The following LASP1 variants were observed in gnomAD, a reference collection of about 807,000 sequenced individuals.
The protein encoded by LASP1 is LIM and SH3 domain protein 1.
Under a neutral mutation model 38.6 loss-of-function variants are expected in LASP1, and 10 were observed. The ratio of observed to expected loss-of-function variants is 0.26; its 90% CI spans 0.16 to 0.44. The LOEUF is 0.44. LASP1 is among the 20% of genes least tolerant of loss of function. LASP1 has a pLI of 1.00. For missense variants in LASP1, 243 were observed against 375.7 expected (o/e 0.65, Z 2.92); for synonymous variants, 132 against 140.8 (o/e 0.94, Z 0.44).
chr17:38,874,995 C>G (rs1175707649), intron 1 of LASP1, among the ~76,000 whole-genome samples: 1 of 151,848 alleles, frequency 6.6e-6, no homozygotes, highest in East Asian at 1.9e-4. Context: ...CCTTTGTCTC[C>G]CCAACGTCAA....
rs1915023895 is a variant in LASP1, at chr17:38,913,751, C to G, written c.358-574C>G. Among the ~76,000 whole-genome samples, 3 of 152,172 alleles carry G rather than the reference C, an allele frequency of 2.0e-5. No individual in the cohort carries two copies. In the South Asian group the frequency reaches 6.2e-4, roughly 32 times the overall value. ...TCACGGTGGCTCACGCCTGTAATCC[C>G]AGCACTTTGGGAGGCCGAGGCGGGT... On this transcript the variant is annotated intron_variant, in intron 4 of 6. Transcript: ENST00000318008.
chr17:38,911,875 C>T (rs654660), intron 4 of LASP1, among the ~76,000 whole-genome samples: 49,843 of 151,970 alleles, frequency 0.33, 8,364 homozygotes, highest in Middle Eastern at 0.51. Flanking sequence ...CTCACCGCAA[C>T]CTCTGCCTCC....
intron 4 of LASP1, chr17:38,898,950 A>G (rs550206569): frequency 2.5e-5 from 9 of 355,200 alleles, no homozygotes; most frequent in African/African-American, 1.9e-4. Context: ...CTCCTCCCCC[A>G]CATCAGCCTG....
At chr17:38,878,709 C>A (rs1913854381) in intron 2 of LASP1, among the ~76,000 whole-genome samples, 1 of 152,182 alleles carries the variant, frequency 6.6e-6, no homozygotes, top group African/African-American at 2.4e-5. Context: ...AGAAAACTCT[C>A]TGGAAGCCTC....
chr17:38,907,017 G>T (rs1002432537), intron 4 of LASP1, among the ~76,000 whole-genome samples: 7 of 152,206 alleles, frequency 4.6e-5, no homozygotes, highest in Non-Finnish European at 7.4e-5. Context: ...GCTTGGAGCA[G>T]GGATGAGCCA....
At chr17:38,881,823 G>A (rs528867276) in intron 2 of LASP1, among the ~76,000 whole-genome samples, 69 of 152,344 alleles carry the variant, frequency 4.5e-4, no homozygotes, top group Non-Finnish European at 8.7e-4. Context: ...AGGGGAGCTA[G>A]GATCTTGCAG....
At chr17:38,912,845 G>A (rs931364984) in intron 4 of LASP1, among the ~76,000 whole-genome samples, 3 of 152,178 alleles carry the variant, frequency 2.0e-5, no homozygotes, top group Non-Finnish European at 2.9e-5. Context: ...AGCTGGCGCC[G>A]AGGCTCTGGA....
At chr17:38,915,484 G>A (rs1455628146) in intron 6 of LASP1, 2 of 193,836 alleles carry the variant, frequency 1.0e-5, no homozygotes, top group East Asian at 2.6e-4. Context: ...CATGAGGATG[G>A]CCCCCACATC....
At chr17:38,874,267 G>C (rs184139912) in intron 1 of LASP1, among the ~76,000 whole-genome samples, 1 of 152,188 alleles carries the variant, frequency 6.6e-6, no homozygotes, top group Admixed American at 6.5e-5. Context: ...TTTAAAAGAG[G>C]GGGGCTCTTG....
At position 38,898,037 on chromosome 17, in the gene LASP1, C is replaced by T. The variant is rs185966278; in HGVS notation, c.250-375C>T. On this transcript the variant is annotated intron_variant, in intron 3 of 6. Coordinates refer to ENST00000318008, the MANE Select transcript of LASP1 (RefSeq NM_006148.4). ...ATGAGGGTTTGCACTCTGGTAGTGC[C>T]GGACATTGACTGCTAAGCTCTGTGA... Among the ~76,000 whole-genome samples the T allele has an allele frequency of 5.5e-4, 83 of 152,288 alleles. 1 individual carries two copies. Among genetic ancestry groups the T allele is most frequent in the Admixed American group, 1.8e-3 (28 of 15,294 alleles).
chr17:38,907,651 G>T (rs1914811074), intron 4 of LASP1, among the ~76,000 whole-genome samples: 1 of 152,194 alleles, frequency 6.6e-6, no homozygotes, highest in Non-Finnish European at 1.5e-5. Context: ...CAGCTGCAGA[G>T]GTTGTTAACA....
At chr17:38,914,821 A>G (rs1915067333) in intron 5 of LASP1, among the ~76,000 whole-genome samples, 1 of 152,162 alleles carries the variant, frequency 6.6e-6, no homozygotes, top group Non-Finnish European at 1.5e-5. Flanking sequence ...TACTGGGCCA[A>G]GAGGATTGAA....
chr17:38,887,202 AG>A (rs1914165945), intron 2 of LASP1, among the ~76,000 whole-genome samples: 1 of 152,054 alleles, frequency 6.6e-6, no homozygotes, highest in Non-Finnish European at 1.5e-5. Context: ...AGCTGCCCGG[AG>A]GTCTCCTCTC....
chr17:38,894,089 G>A (rs1015391867), intron 3 of LASP1, among the ~76,000 whole-genome samples: 1 of 152,106 alleles, frequency 6.6e-6, no homozygotes, highest in Non-Finnish European at 1.5e-5. Context: ...GTCCAGAAAT[G>A]ACCCTCTCGG....
At chr17:38,881,632 C>T (rs992280305) in intron 2 of LASP1, among the ~76,000 whole-genome samples, 2 of 152,350 alleles carry the variant, frequency 1.3e-5, no homozygotes, top group Admixed American at 6.5e-5. Context: ...TTGTGGACCA[C>T]AGGCCTGGCT....
At chr17:38,914,621 G>A in intron 5 of LASP1, 146 bp downstream of exon 5, 1 of 1,073,848 alleles carries the variant, frequency 9.3e-7, no homozygotes, top group Non-Finnish European at 1.3e-6. Context: ...TGCAAGAGGG[G>A]ACCAGAGGAC....
intron 3 of LASP1, among the ~76,000 whole-genome samples, chr17:38,893,167 G>A (rs113519427): frequency 2.0e-5 from 3 of 152,234 alleles, no homozygotes; most frequent in African/African-American, 7.2e-5. Context: ...AGGGACAGGG[G>A]CAGACATCAA....
intron 4 of LASP1, chr17:38,899,025 A>C (rs1598114556): frequency 2.5e-5 from 8 of 321,418 alleles, no homozygotes; most frequent in Non-Finnish European, 3.8e-5. Flanking sequence ...CCTGGCTCAC[A>C]CCCCCCGCCT....
intron 2 of LASP1, 33 bp downstream of exon 2, chr17:38,878,213 G>A: frequency 1.3e-6 from 2 of 1,482,888 alleles, no homozygotes; most frequent in Non-Finnish European, 1.9e-6. Flanking sequence ...GGCTGGGTGG[G>A]CACCTTGGCT....
Sources: gnomAD v4.1 joint callset for allele counts (sites outside exome capture counted in the v4.1 genomes callset) on GRCh38, gnomAD v4.1.1 for gene constraint, MANE v1.5 for transcripts, NCBI Gene and HGNC (gene_info 2026-07-23, HGNC 2026-07-21) for gene names.